ZBTB16: variants seen among roughly 807,000 people sequenced by gnomAD.
ZBTB16 encodes the protein zinc finger and BTB domain-containing protein 16.
Under a neutral mutation model 56.8 loss-of-function variants are expected in ZBTB16, and 8 were observed. The ratio of observed to expected loss-of-function variants is 0.14; its 90% CI spans 0.08 to 0.25. The LOEUF (loss-of-function observed/expected upper bound fraction) is 0.25. ZBTB16 is among the 10% of genes least tolerant of loss of function. The probability of loss-of-function intolerance (pLI) is 1.00; values close to 1 mark genes in which losing one functional copy is unlikely to be tolerated. For synonymous variants in ZBTB16, 363 were observed against 368.5 expected (o/e 0.98, Z 0.17); for missense variants, 625 against 903.0 (o/e 0.69, Z 3.95).
intron 4 of ZBTB16, among the ~76,000 whole-genome samples, chr11:114,231,349 C>G (rs200496254): frequency 3.3e-5 from 5 of 152,144 alleles, no homozygotes; most frequent in East Asian, 1.9e-4. Context: ...GGGGTCTTCT[C>G]TATCATTCTG....
chr11:114,068,021 A>C (rs183715256), intron 2 of ZBTB16, among the ~76,000 whole-genome samples: 15 of 151,068 alleles, frequency 9.9e-5, no homozygotes, highest in Non-Finnish European at 4.4e-5. Context: ...GAAAAAAAAA[A>C]ACAACAGCCC....
At chr11:114,239,758 T>A (rs550404026) in intron 4 of ZBTB16, among the ~76,000 whole-genome samples, 104 of 152,280 alleles carry the variant, frequency 6.8e-4, no homozygotes, top group African/African-American at 2.5e-3. Context: ...GGAGCTGTAC[T>A]AGAGGCAGGA....
At chr11:114,155,513 C>T (rs534699862) in intron 2 of ZBTB16, among the ~76,000 whole-genome samples, 5 of 152,266 alleles carry the variant, frequency 3.3e-5, no homozygotes, top group Non-Finnish European at 7.4e-5. Context: ...GGCCTGTGAC[C>T]GGTTGTTACT....
intron 2 of ZBTB16, among the ~76,000 whole-genome samples, chr11:114,135,239 G>A (rs548972418): frequency 6.6e-6 from 1 of 152,208 alleles, no homozygotes; most frequent in African/African-American, 2.4e-5. Context: ...ATGGCAGCTT[G>A]TGGCTGCCAT....
At position 114,066,768 on chromosome 11, in the gene ZBTB16, A is replaced by ATTTT. The variant is rs11371325; in HGVS notation, c.1268+2218_1268+2221dup. Among the ~76,000 whole-genome samples the ATTTT allele has an allele frequency of 1.1e-3, 123 of 111,410 alleles. 4 individuals carry two copies. The highest frequency in any genetic ancestry group is 2.6e-3 in the African/African-American group (74 of 28,322). The allele number at this position is 111,410 out of a possible 152,430, so 73.1% of individuals were successfully genotyped here. On this transcript the variant is annotated intron_variant, in intron 2 of 6. Coordinates refer to ENST00000335953, the MANE Select transcript of ZBTB16 (RefSeq NM_006006.6). ...TTCTGGGCCTTGTTTCACTCACTAC[A>ATTTT]TTTTTTTTTTTTTTTTTTTTTGAGA...
At chr11:114,142,607 A>G (rs1007551024) in intron 2 of ZBTB16, among the ~76,000 whole-genome samples, 1 of 152,242 alleles carries the variant, frequency 6.6e-6, no homozygotes, top group Admixed American at 6.5e-5. Flanking sequence ...ATGGCTCAGA[A>G]TAGTTTTCTG....
At chr11:114,162,938 C>T (rs768710124) in intron 3 of ZBTB16, among the ~76,000 whole-genome samples, 9 of 152,126 alleles carry the variant, frequency 5.9e-5, no homozygotes, top group Non-Finnish European at 1.0e-4. Flanking sequence ...AGAGTGGTGT[C>T]GTCACTGGCC....
chr11:114,207,652 C>T (rs2135121454), intron 4 of ZBTB16, among the ~76,000 whole-genome samples: 1 of 151,960 alleles, frequency 6.6e-6, no homozygotes, highest in African/African-American at 2.4e-5. Flanking sequence ...TTCACTTTGT[C>T]ACCCAGGCTG....
intron 3 of ZBTB16, among the ~76,000 whole-genome samples, chr11:114,171,913 C>T (rs540477026): frequency 2.0e-5 from 3 of 152,336 alleles, no homozygotes; most frequent in East Asian, 1.9e-4. Context: ...TGAGGCGTTC[C>T]GCCTCTGCCT....
intron 2 of ZBTB16, among the ~76,000 whole-genome samples, chr11:114,114,771 C>A (rs978803633): frequency 4.0e-5 from 6 of 151,720 alleles, no homozygotes; most frequent in African/African-American, 1.5e-4. Context: ...CCTCTGCCTG[C>A]CAGGCTCAAG....
At chr11:114,205,195 G>A (rs543407694) in intron 4 of ZBTB16, among the ~76,000 whole-genome samples, 93 of 152,162 alleles carry the variant, frequency 6.1e-4, no homozygotes, top group African/African-American at 2.1e-3. Flanking sequence ...GGATCACGAG[G>A]TCAGGAGATC....
intron 4 of ZBTB16, among the ~76,000 whole-genome samples, chr11:114,220,425 T>A (rs1183292188): frequency 6.6e-6 from 1 of 152,206 alleles, no homozygotes; most frequent in Non-Finnish European, 1.5e-5. Flanking sequence ...TGTTCTAGCC[T>A]CCGATGCTTA....
chr11:114,146,877 G>C (rs562555795), intron 2 of ZBTB16, among the ~76,000 whole-genome samples: 1 of 151,214 alleles, frequency 6.6e-6, no homozygotes, highest in Non-Finnish European at 1.5e-5. Context: ...CCAAAACCTG[G>C]GTTGACTAGA....
At chr11:114,083,488 T>C (rs1432268786) in intron 2 of ZBTB16, among the ~76,000 whole-genome samples, 1 of 152,022 alleles carries the variant, frequency 6.6e-6, no homozygotes, top group South Asian at 2.1e-4. Flanking sequence ...GTAGAACATA[T>C]ATTGTACTTC....
At chr11:114,135,132 A>G (rs184907090) in intron 2 of ZBTB16, among the ~76,000 whole-genome samples, 1 of 152,216 alleles carries the variant, frequency 6.6e-6, no homozygotes, top group African/African-American at 2.4e-5. Flanking sequence ...GCCGGGGGGA[A>G]CTATACATTC....
rs1159214212 is a variant in ZBTB16, at chr11:114,143,719, G to A, written c.1269-12618G>A. Among the ~76,000 whole-genome samples the A allele has an allele frequency of 6.6e-6, 1 of 152,206 alleles. No homozygotes were observed. Among genetic ancestry groups the A allele is most frequent in the Non-Finnish European group, 1.5e-5 (1 of 68,038 alleles). On this transcript the variant is annotated intron_variant, in intron 2 of 6. Transcript: ENST00000335953. The surrounding 1 kb of genome is among the most constrained non-coding windows in gnomAD (Gnocchi z 6.4). Reference sequence around the variant, plus strand: ...CTCCTCCATGCCATGGACCGTCGCTGCATCATCTAAGCACAGGGCACCCAG... The same window carrying A: ...CTCCTCCATGCCATGGACCGTCGCTACATCATCTAAGCACAGGGCACCCAG...
chr11:114,208,581 G>A (rs1285659767), intron 4 of ZBTB16, among the ~76,000 whole-genome samples: 2 of 152,166 alleles, frequency 1.3e-5, no homozygotes, highest in Non-Finnish European at 2.9e-5. Flanking sequence ...TTCCTGTCAT[G>A]GGCTCTGGCT....
chr11:114,136,338 G>C (rs952529201), intron 2 of ZBTB16, among the ~76,000 whole-genome samples: 1 of 152,182 alleles, frequency 6.6e-6, no homozygotes, highest in Non-Finnish European at 1.5e-5. Context: ...AAGCAACTGT[G>C]GAAACAGAGT....
intron 2 of ZBTB16, among the ~76,000 whole-genome samples, chr11:114,144,177 G>GACACACACACACACACACAC (rs56679355): frequency 1.4e-5 from 2 of 144,968 alleles, no homozygotes; most frequent in Admixed American, 6.9e-5. Context: ...GTGTTTGCCA[G>GACACACACACACACACACAC]ACACACACAC....
Sources: gnomAD v4.1 joint callset for allele counts (sites outside exome capture counted in the v4.1 genomes callset) on GRCh38, gnomAD v4.1.1 for gene constraint, Gnocchi (gnomAD v3.1) non-coding constraint, MANE v1.5 for transcripts, NCBI Gene and HGNC (gene_info 2026-07-23, HGNC 2026-07-21) for gene names.